The following RBM27 variants were observed in gnomAD, a reference collection of about 807,000 sequenced individuals.
The protein encoded by RBM27 is RNA-binding protein 27.
A neutral mutation model predicts 135.3 loss-of-function variants in RBM27; 22 were observed. The ratio of observed to expected loss-of-function variants is 0.16; its 90% CI spans 0.12 to 0.23. The LOEUF (loss-of-function observed/expected upper bound fraction) is 0.23. RBM27 is among the 10% of genes least tolerant of loss of function. RBM27 has a pLI of 1.00. For synonymous variants in RBM27, 481 were observed against 442.4 expected (o/e 1.09, Z -1.10); for missense variants, 1,009 against 1,281.0 (o/e 0.79, Z 3.24).
intron 15 of RBM27, among the ~76,000 whole-genome samples, chr5:146,268,295 T>C (rs924134972): frequency 1.3e-5 from 2 of 150,752 alleles, no homozygotes; most frequent in African/African-American, 2.4e-5. Context: ...CAGGCTGGAG[T>C]GCAATGGTGT....
intron 7 of RBM27, 48 bp downstream of exon 7, chr5:146,233,791 A>C (rs1467181112): frequency 7.7e-7 from 1 of 1,290,538 alleles, no homozygotes; most frequent in East Asian, 2.7e-5. Context: ...GTTTAGAAGA[A>C]CCTCATCCCT....
At chr5:146,239,465 T>TC (rs992928275) in intron 8 of RBM27, among the ~76,000 whole-genome samples, 4 of 120,774 alleles carry the variant, frequency 3.3e-5, no homozygotes, top group Non-Finnish European at 5.2e-5. Flanking sequence ...TTTTTTTTTT[T>TC]CCTTTTCTTT....
intron 1 of RBM27, among the ~76,000 whole-genome samples, chr5:146,208,999 C>T (rs914699907): frequency 3.3e-5 from 5 of 152,088 alleles, no homozygotes; most frequent in African/African-American, 7.2e-5. Context: ...TTGTGTGAAT[C>T]GGCATTTAAT....
At chr5:146,206,715 G>A (rs1755692218) in intron 1 of RBM27, among the ~76,000 whole-genome samples, 1 of 151,938 alleles carries the variant, frequency 6.6e-6, no homozygotes, top group Non-Finnish European at 1.5e-5. Context: ...CGAGTAGCTG[G>A]GATTACAGGC....
chr5:146,216,854 C>T (rs1181859980), intron 1 of RBM27, among the ~76,000 whole-genome samples: 3 of 152,060 alleles, frequency 2.0e-5, no homozygotes, highest in East Asian at 1.9e-4. Flanking sequence ...GACCGGATCT[C>T]GCTATATTGC....
At chr5:146,227,546 A>C (rs1756732171) in intron 3 of RBM27, among the ~76,000 whole-genome samples, 1 of 152,190 alleles carries the variant, frequency 6.6e-6, no homozygotes, top group East Asian at 1.9e-4. Context: ...CTTCTCCATT[A>C]GATAGGTATT....
intron 1 of RBM27, among the ~76,000 whole-genome samples, chr5:146,210,597 C>G (rs892221099): frequency 1.3e-5 from 2 of 152,078 alleles, no homozygotes; most frequent in Admixed American, 1.3e-4. Flanking sequence ...CACTAGACTC[C>G]AAGTTTGCTG....
chr5:146,287,026 C>T lies in RBM27; in HGVS notation c.*996C>T, dbSNP rs1428319203. ...AGAGAATCACCAGCTTTATTTTTTC[C>T]CTCTTTTGAAGCTTCAGTTCAGTAT... On this transcript the variant is annotated 3_prime_UTR_variant, in exon 21 of 21. Coordinates refer to ENST00000265271, the MANE Select transcript of RBM27 (RefSeq NM_018989.2). 1 of 151,632 alleles carries T rather than the reference C, an allele frequency of 6.6e-6. No homozygotes were observed. Among genetic ancestry groups the T allele is most frequent in the Non-Finnish European group, 1.5e-5 (1 of 67,922 alleles). 9.4% of individuals were successfully genotyped at this position (151,632 alleles called of 1,614,324 possible).
chr5:146,221,252 A>T (rs1030127238), intron 2 of RBM27, among the ~76,000 whole-genome samples: 3 of 152,180 alleles, frequency 2.0e-5, no homozygotes, highest in Admixed American at 6.6e-5. Context: ...AGGATAAGAA[A>T]ATAAGTAACC....
At chr5:146,256,965 G>A (rs1203854369) in intron 10 of RBM27, among the ~76,000 whole-genome samples, 1 of 152,128 alleles carries the variant, frequency 6.6e-6, no homozygotes. Context: ...GAACATAATG[G>A]CATCTCAAAC....
chr5:146,208,401 G>T (rs1272152058), intron 1 of RBM27, among the ~76,000 whole-genome samples: 5 of 152,178 alleles, frequency 3.3e-5, no homozygotes, highest in Admixed American at 3.3e-4. Flanking sequence ...TTAGAGGAAG[G>T]ACAGGAGGGA....
rs1262682447 is a variant in RBM27 at position 146,288,319 on chromosome 5, A to G, written c.*2289A>G. 1 of 152,026 alleles carries G rather than the reference A, an allele frequency of 6.6e-6. No homozygotes were observed. Among genetic ancestry groups the G allele is most frequent in the East Asian group, 1.9e-4 (1 of 5,192 alleles). 9.4% of individuals were successfully genotyped at this position (152,026 alleles called of 1,614,324 possible). On this transcript the variant is annotated 3_prime_UTR_variant, in exon 21 of 21. Transcript: ENST00000265271. ...GAAGATAGAAGTGTGTTAAAGTGAA[A>G]AACAGTTTTTTCAGTAAGGTTTGAG...
chr5:146,249,683 C>CAAAAAAA (rs1209651197), intron 8 of RBM27, among the ~76,000 whole-genome samples: 10 of 36,668 alleles, frequency 2.7e-4, no homozygotes, highest in African/African-American at 3.9e-4. Context: ...GTGAGACTCT[C>CAAAAAAA]AAAAAAAAAA....
chr5:146,237,161 A>G (rs1382677677), intron 7 of RBM27, 137 bp from the exon 8 acceptor site: 2 of 937,228 alleles, frequency 2.1e-6, no homozygotes. Flanking sequence ...CTGGTCTCGA[A>G]CTCCTGACCT....
intron 3 of RBM27, among the ~76,000 whole-genome samples, chr5:146,227,867 G>C (rs1347726024): frequency 2.6e-5 from 4 of 152,100 alleles, no homozygotes; most frequent in African/African-American, 9.7e-5. Flanking sequence ...TTTTTCCATA[G>C]TTTACATGAA....
Position 146,237,335 on chromosome 5 carries a change from T to C in RBM27, c.1182T>C (p.Arg394=). The change falls in exon 8 of 21, where the codon CGT becomes CGC. Residue 394 remains arginine, a synonymous_variant. Coordinates refer to ENST00000265271, the MANE Select transcript of RBM27 (RefSeq NM_018989.2). ...CACAATCAAGCTTGATAAACAGCCG[T>C]GACCAGCCTGGGACAAGTGCAGTGC... ...PITQSSLINS[R]DQPGTSAVPN... The C allele has an allele frequency of 6.2e-7, 1 of 1,614,174 alleles. No individual in the cohort carries two copies. The highest frequency in any genetic ancestry group is 8.5e-7 in the Non-Finnish European group (1 of 1,180,036).
chr5:146,236,231 C>G lies in RBM27; in HGVS notation c.1145-1067C>G, dbSNP rs551493268. On this transcript the variant is annotated intron_variant, in intron 7 of 20. Coordinates refer to ENST00000265271, the MANE Select transcript of RBM27 (RefSeq NM_018989.2). Reference sequence around the variant, plus strand: ...TGAAGGACTTGTACTTGTATACTTACCATCTAGGTTCTACAATTAGCATTT... The same window carrying G: ...TGAAGGACTTGTACTTGTATACTTAGCATCTAGGTTCTACAATTAGCATTT... 3.3e-5 allele frequency among the ~76,000 whole-genome samples: 5 copies of G among 152,312 alleles called. 1 individual carries two copies. Among genetic ancestry groups the G allele is most frequent in the African/African-American group, 1.2e-4 (5 of 41,564 alleles).
chr5:146,246,658 T>C (rs998512508), intron 8 of RBM27, among the ~76,000 whole-genome samples: 1 of 152,180 alleles, frequency 6.6e-6, no homozygotes, highest in Non-Finnish European at 1.5e-5. Context: ...CACTGTACTT[T>C]AGCCTGGATA....
chr5:146,277,283 T>C (rs1759131462), intron 19 of RBM27, among the ~76,000 whole-genome samples: 1 of 152,314 alleles, frequency 6.6e-6, no homozygotes, highest in East Asian at 1.9e-4. Context: ...TATGTATACA[T>C]ACTACCCATG....
Sources: gnomAD v4.1 joint callset for allele counts (sites outside exome capture counted in the v4.1 genomes callset) on GRCh38, gnomAD v4.1.1 for gene constraint, MANE v1.5 for transcripts, NCBI Gene and HGNC (gene_info 2026-07-23, HGNC 2026-07-21) for gene names.